The following KCNA3 variants were observed in gnomAD, a reference collection of about 807,000 sequenced individuals.
KCNA3 encodes RP11-284N8.3.
KCNA3 carries 18 observed loss-of-function variants against 34.3 expected under a neutral mutation model. The ratio of observed to expected loss-of-function variants is 0.52; its 90% CI spans 0.36 to 0.78. The LOEUF is 0.78. KCNA3 is among the 30% of genes least tolerant of loss of function. The pLI is 0.00. For missense variants in KCNA3, 587 were observed against 802.5 expected, an observed-to-expected ratio of 0.73 and a Z score of 3.24; for synonymous variants, 324 against 351.7, an observed-to-expected ratio of 0.92 and a Z score of 0.88.
At chr1:110,672,020 AACTTT>A (rs1376880800), downstream of KCNA3, among the ~76,000 whole-genome samples, 1 of 152,138 alleles carries the variant, frequency 6.6e-6, no homozygotes. Flanking sequence ...TCTCAGACTT[AACTTT>A]ATTTTTTGTG....
chr1:110,668,549 A>T (rs1361504891), downstream of KCNA3, among the ~76,000 whole-genome samples: 1 of 152,194 alleles, frequency 6.6e-6, no homozygotes, highest in Non-Finnish European at 1.5e-5. Flanking sequence ...CATACTGTGC[A>T]TTTAAATTTC....
chr1:110,666,201 T>A, the KCNA3 span, among the ~76,000 whole-genome samples: 1 of 152,110 alleles, frequency 6.6e-6, no homozygotes, highest in African/African-American at 2.4e-5. Context: ...TTGTAAAAAA[T>A]AGCACATAAG....
the KCNA3 span, among the ~76,000 whole-genome samples, chr1:110,661,661 G>GAA: frequency 7.8e-4 from 119 of 152,078 alleles, no homozygotes; most frequent in African/African-American, 2.6e-3. Context: ...AAAACGGTGG[G>GAA]CCTTAAAAAA....
the KCNA3 span, among the ~76,000 whole-genome samples, chr1:110,666,036 TAA>T: frequency 3.9e-5 from 6 of 152,214 alleles, no homozygotes; most frequent in East Asian, 1.2e-3. Context: ...AAACAGAAAT[TAA>T]TCATATAACA....
downstream of KCNA3, among the ~76,000 whole-genome samples, chr1:110,669,493 A>T (rs1651809201): frequency 1.3e-5 from 2 of 152,192 alleles, no homozygotes; most frequent in East Asian, 3.8e-4. Flanking sequence ...TGCTTATTTT[A>T]AGCAGGTTAA....
chr1:110,674,222 C>A lies in KCNA3; in HGVS notation c.588G>T (p.Lys196Asn). 3.1e-6 allele frequency: 5 copies of A among 1,613,744 alleles called. No homozygotes were observed. Among genetic ancestry groups the A allele is most frequent in the Non-Finnish European group, 4.2e-6 (5 of 1,179,732 alleles). ...FYQLGEEAME[K>N]FREDEGFLRE... is the part of the protein sequence containing the mutation. ...GCAGGAAGCCCTCGTCCTCGCGGAA[C>A]TTCTCCATGGCCTCCTCGCCCAGCT... The change falls in exon 1 of 1, where the codon AAG (lysine) becomes AAT (asparagine). Residue 196 changes from lysine (K) to asparagine (N), a missense_variant. By Grantham distance (94) the Lys-to-Asn change is moderately conservative. Around this residue, in one of 7 missense-constraint regions of KCNA3, gnomAD observed 341 missense variants for 355.4 expected, o/e 0.96. Transcript: ENST00000369769. The surrounding 1 kb of genome is among the most constrained non-coding windows in gnomAD (Gnocchi z 6.4).
rs759757815 is a variant in KCNA3, at chr1:110,674,058, A to G, written c.752T>C (p.Phe251Ser). Residue 251 changes from phenylalanine to serine, a missense_variant, in exon 1 of 1, where the codon TTC becomes TCC. Physicochemically the swap from Phe to Ser is radical, Grantham distance 155. Around this residue, in one of 7 missense-constraint regions of KCNA3, gnomAD observed 9 missense variants for 26.8 expected, o/e 0.34. Transcript: ENST00000369769. The surrounding 1 kb of genome is among the most constrained non-coding windows in gnomAD (Gnocchi z 6.4). ...VLVILISIVI[F>S]CLETLPEFRD... ...GAACTCCGGCAGCGTCTCCAGGCAG[A>G]AGATGACAATGGAGATGAGGATGAC... 6.2e-7 allele frequency: 1 copy of G among 1,608,580 alleles called. No individual in the cohort carries two copies. Among genetic ancestry groups the G allele is most frequent in the South Asian group, 1.1e-5 (1 of 90,506 alleles).
rs1011455131 is a variant in KCNA3, at chr1:110,674,453, C to T, written c.357G>A (p.Leu119=). 8 of 1,613,958 alleles carry T rather than the reference C, an allele frequency of 5.0e-6. No individual in the cohort carries two copies. The African/African-American group carries it at 9.3e-5, about 19-fold the overall frequency. The change falls in exon 1 of 1, where the codon CTG becomes CTA. Residue 119 remains leucine, a synonymous_variant. Coordinates refer to ENST00000369769, the MANE Select transcript of KCNA3 (RefSeq NM_002232.5). The surrounding 1 kb of genome is among the most constrained non-coding windows in gnomAD (Gnocchi z 6.4). ...TCTCGGGGAACTGGCAAAGGGTCTT[C>T]AGCTGCGTCTCGAAGCGCAGCCCGG... is the stretch of plus-strand genomic sequence containing the variant. ...NISGLRFETQ[L]KTLCQFPETL...
rs757148761 is a variant in KCNA3, at chr1:110,674,006, C to T, written c.804G>A (p.Ser268=). 5.6e-6 allele frequency: 9 copies of T among 1,612,954 alleles called. No homozygotes were observed. The East Asian group carries it at 2.0e-4, about 36-fold the overall frequency. ...EFRDEKDYPA[S]TSQDSFEAAG... The stretch of plus-strand genomic sequence containing the variant: ...CTGCTTCGAATGAGTCCTGCGACGT[C>T]GAGGCGGGGTAGTCCTTCTCGTCGC... Residue 268 remains serine (S), a synonymous_variant, in exon 1 of 1, where the codon TCG becomes TCA. Coordinates refer to ENST00000369769, the MANE Select transcript of KCNA3 (RefSeq NM_002232.5). This position sits in a 1 kb window ranked among gnomAD's most constrained non-coding sequence, Gnocchi z 6.4.
downstream of KCNA3, among the ~76,000 whole-genome samples, chr1:110,670,402 C>T (rs1030242051): frequency 6.6e-6 from 1 of 152,202 alleles, no homozygotes; most frequent in Non-Finnish European, 1.5e-5. Flanking sequence ...TAAATTACTG[C>T]CATTTAATAA....
chr1:110,667,124 G>A, the KCNA3 span, among the ~76,000 whole-genome samples: 1 of 152,000 alleles, frequency 6.6e-6, no homozygotes, highest in Non-Finnish European at 1.5e-5. Flanking sequence ...AATTAATTAT[G>A]TTTTAATGTA....
chr1:110,671,820 G>A (rs147989867), downstream of KCNA3, among the ~76,000 whole-genome samples: 19 of 152,280 alleles, frequency 1.2e-4, no homozygotes, highest in African/African-American at 4.6e-4. Flanking sequence ...CTTGGAGAAA[G>A]AAAACTGTAG....
chr1:110,672,937 G>A lies in KCNA3; in HGVS notation c.*145C>T. On this transcript the variant is annotated 3_prime_UTR_variant, in exon 1 of 1. Coordinates refer to ENST00000369769, the MANE Select transcript of KCNA3 (RefSeq NM_002232.5). The stretch of plus-strand genomic sequence containing the variant: ...CACCTGTTTCAGTATGAAGCAGCAG[G>A]GAGAGGGAGAATGAAGTGTGCTTTC... 3.7e-6 allele frequency: 3 copies of A among 803,758 alleles called. No individual in the cohort carries two copies. Among genetic ancestry groups the A allele is most frequent in the Non-Finnish European group, 5.9e-6 (3 of 507,848 alleles). The allele number at this position is 803,758 out of a possible 1,614,324, so 49.8% of individuals were successfully genotyped here.
chr1:110,655,382 A>G, the KCNA3 span: 1 of 152,114 alleles, frequency 6.6e-6, no homozygotes, highest in Non-Finnish European at 1.5e-5. Context: ...CAGCATTAAG[A>G]GATCACATAT....
At chr1:110,660,843 A>G in the KCNA3 span, among the ~76,000 whole-genome samples, 34 of 152,316 alleles carry the variant, frequency 2.2e-4, no homozygotes, top group South Asian at 6.8e-3. Context: ...CACTTCCTAC[A>G]TCCAGAATCT....
the KCNA3 span, among the ~76,000 whole-genome samples, chr1:110,666,949 A>C: frequency 2.6e-5 from 4 of 152,248 alleles, no homozygotes; most frequent in African/African-American, 9.6e-5. Flanking sequence ...CTGCACATAC[A>C]GAATGAAAAC....
downstream of KCNA3, among the ~76,000 whole-genome samples, chr1:110,669,495 G>A (rs2640481): frequency 1 from 152,092 of 152,318 alleles, 75,933 homozygotes; most frequent in Middle Eastern, 1. Context: ...CTTATTTTAA[G>A]CAGGTTAATT....
the KCNA3 span, chr1:110,657,028 C>G: frequency 1.4e-5 from 2 of 147,352 alleles, no homozygotes; most frequent in South Asian, 4.3e-4. Context: ...ATAAGAAAAT[C>G]TGGGTACTTA....
At chr1:110,661,804 T>C in the KCNA3 span, among the ~76,000 whole-genome samples, 1 of 151,906 alleles carries the variant, frequency 6.6e-6, no homozygotes, top group Admixed American at 6.6e-5. Context: ...AAAAGTGATA[T>C]CAGGATAATC....
Sources: gnomAD v4.1 joint callset for allele counts (sites outside exome capture counted in the v4.1 genomes callset) on GRCh38, gnomAD v4.1.1 for gene constraint, gnomAD v4.1.1 regional missense constraint, Gnocchi (gnomAD v3.1) non-coding constraint, MANE v1.5 for transcripts, NCBI Gene and HGNC (gene_info 2026-07-23, HGNC 2026-07-21) for gene names.